The following CNMD variants were observed in gnomAD, a reference collection of about 807,000 sequenced individuals.
The protein encoded by CNMD is leukocyte cell-derived chemotaxin 1.
A neutral mutation model predicts 37.5 loss-of-function variants in CNMD; 30 were observed. The observed-to-expected ratio is 0.80, with a 90% CI of 0.60 to 1.09. The LOEUF is 1.09. Ranked by LOEUF, CNMD falls within the 50% of genes least tolerant of loss-of-function variation. The pLI is 0.00. For missense variants in CNMD, 398 were observed against 423.9 expected (o/e 0.94, Z 0.54); for synonymous variants, 167 against 148.2 (o/e 1.13, Z -0.92).
In CNMD at chr13:52,708,634, C is replaced by T. The variant is rs764639415; in HGVS notation, c.691G>A (p.Gly231Arg). 1 of 1,613,838 alleles carries T rather than the reference C, an allele frequency of 6.2e-7. No individual in the cohort carries two copies. The highest frequency in any genetic ancestry group is 2.2e-5 in the East Asian group (1 of 44,870). ...VPTTTKRPHS[G>R]PRSNPGAGRL... ...CCAGCGCCTGGGTTGCTCCGTGGTC[C>T]ACTGTGTGGTCTTTTTGTGGTAGTT... The change falls in exon 6 of 7, where the codon GGA (glycine) becomes AGA (arginine). Residue 231 changes from glycine to arginine, a missense_variant. Physicochemically the swap from Gly to Arg is moderately radical, Grantham distance 125. Transcript: ENST00000377962.
At chr13:52,729,819 C>CT (rs551357704) in intron 3 of CNMD, among the ~76,000 whole-genome samples, 4 of 151,756 alleles carry the variant, frequency 2.6e-5, no homozygotes, top group Non-Finnish European at 4.4e-5. Flanking sequence ...CTTTCAATTT[C>CT]TTTTTTTTAA....
chr13:52,733,002 C>G, intron 3 of CNMD: 2 of 567,664 alleles, frequency 3.5e-6, no homozygotes, highest in Non-Finnish European at 6.2e-6. Flanking sequence ...TGGTATTTTA[C>G]AACTGAAGTG....
chr13:52,714,794 AT>A (rs1964342667), intron 4 of CNMD, among the ~76,000 whole-genome samples: 1 of 152,100 alleles, frequency 6.6e-6, no homozygotes, highest in Admixed American at 6.6e-5. Flanking sequence ...CACGGAGAAA[AT>A]TCACCAAAAC....
chr13:52,723,393 C>G (rs764246118), intron 4 of CNMD, among the ~76,000 whole-genome samples: 2 of 152,140 alleles, frequency 1.3e-5, no homozygotes, highest in Non-Finnish European at 2.9e-5. Context: ...ATGCCTGCCT[C>G]TATTGTGGAG....
chr13:52,709,082 G>C (rs116544982), intron 5 of CNMD, among the ~76,000 whole-genome samples: 367 of 152,222 alleles, frequency 2.4e-3, no homozygotes, highest in African/African-American at 8.5e-3. Context: ...TCTGACCAGG[G>C]AGACATCAGC....
At chr13:52,728,508 C>G (rs543076079) in intron 3 of CNMD, among the ~76,000 whole-genome samples, 35 of 152,358 alleles carry the variant, frequency 2.3e-4, no homozygotes, top group Non-Finnish European at 4.1e-4. Context: ...TGATGCTCCA[C>G]TGGCAGCCTG....
chr13:52,728,950 A>C (rs1318328198), intron 3 of CNMD, among the ~76,000 whole-genome samples: 2 of 152,222 alleles, frequency 1.3e-5, no homozygotes, highest in African/African-American at 4.8e-5. Flanking sequence ...GAACTAAAAG[A>C]AGCACAAGAA....
Position 52,703,636 on chromosome 13 carries a change from G to A in CNMD, c.964C>T (p.Pro322Ser), listed in dbSNP as rs1035986975. ...ATACGGGCCACCCACCAGCTACATG[G>A]CATGATGACTCTGCAGGCCGAACGG... ...GCRSACRVIM[P>S]CSWWVARILG... Residue 322 changes from proline (P) to serine (S), a missense_variant, in exon 7 of 7, where the codon CCA (proline) becomes TCA (serine). Pro to Ser is a moderately conservative substitution (Grantham distance 74). Transcript: ENST00000377962. 1 of 1,613,790 alleles carries A rather than the reference G, an allele frequency of 6.2e-7. No homozygotes were observed. Among genetic ancestry groups the A allele is most frequent in the Non-Finnish European group, 8.5e-7 (1 of 1,179,780 alleles).
chr13:52,718,268 T>C, intron 4 of CNMD, among the ~76,000 whole-genome samples: 1 of 152,212 alleles, frequency 6.6e-6, no homozygotes, highest in East Asian at 1.9e-4. Flanking sequence ...GTCTATCTAT[T>C]TGTTAATCTC....
intron 4 of CNMD, among the ~76,000 whole-genome samples, chr13:52,713,588 C>A (rs930102918): frequency 1.5e-4 from 23 of 152,164 alleles, no homozygotes; most frequent in African/African-American, 5.6e-4. Context: ...TAGCTAAAAG[C>A]AGTACTTCAT....
At chr13:52,733,396 T>G (rs1240059190) in intron 2 of CNMD, 37 bp from the exon 3 acceptor site, 8 of 1,607,846 alleles carry the variant, frequency 5.0e-6, no homozygotes, top group Non-Finnish European at 6.8e-6. Context: ...TGCTTTCTTT[T>G]TTGAGCAATT....
chr13:52,739,006 C>T lies in CNMD; in HGVS notation c.213+25G>A, dbSNP rs769754322. 6.5e-7 allele frequency: 1 copy of T among 1,545,152 alleles called. No homozygotes were observed. The highest frequency in any genetic ancestry group is 2.0e-5 in the Admixed American group (1 of 48,816). On this transcript the variant is annotated intron_variant, in intron 2 of 6. Coordinates refer to ENST00000377962, the MANE Select transcript of CNMD (RefSeq NM_007015.3). The surrounding 1 kb of genome is among the most constrained non-coding windows in gnomAD (Gnocchi z 5.4). ...GGGCACCATGGGCGACACGGGGGTCCCCGCGCGCCGCCCTCTGGACTTACG... is the reference window on the plus strand; with the variant it reads ...GGGCACCATGGGCGACACGGGGGTCTCCGCGCGCCGCCCTCTGGACTTACG...
intron 3 of CNMD, among the ~76,000 whole-genome samples, chr13:52,730,264 A>C (rs1964642813): frequency 1.3e-5 from 2 of 152,042 alleles, no homozygotes; most frequent in African/African-American, 2.4e-5. Flanking sequence ...GCTATCGTGA[A>C]TAGTGCTGCC....
chr13:52,724,176 A>G (rs1463699872), intron 3 of CNMD, 66 bp from the exon 4 acceptor site: 13 of 1,211,852 alleles, frequency 1.1e-5, no homozygotes, highest in African/African-American at 3.0e-5. Context: ...TTGAGTGTCT[A>G]CTGTGTTCCA....
intron 5 of CNMD, among the ~76,000 whole-genome samples, chr13:52,709,940 T>C (rs1336696487): frequency 1.3e-5 from 2 of 152,136 alleles, no homozygotes; most frequent in Admixed American, 6.5e-5. Context: ...ATCATTGCAC[T>C]CAAGCCTGGG....
chr13:52,724,178 T>C, intron 3 of CNMD, 68 bp from the exon 4 acceptor site: 3 of 1,194,912 alleles, frequency 2.5e-6, no homozygotes, highest in Middle Eastern at 1.9e-4. Flanking sequence ...GAGTGTCTAC[T>C]GTGTTCCAGA....
chr13:52,735,812 G>C (rs1187716014), intron 2 of CNMD, among the ~76,000 whole-genome samples: 1 of 150,290 alleles, frequency 6.7e-6, no homozygotes. Flanking sequence ...TCTTGGTTGT[G>C]CAGCTGCGGC....
chr13:52,735,631 A>C (rs1045425118), intron 2 of CNMD, among the ~76,000 whole-genome samples: 2 of 151,874 alleles, frequency 1.3e-5, no homozygotes, highest in African/African-American at 4.8e-5. Flanking sequence ...CTTGGACCAC[A>C]CATAAAATAC....
intron 4 of CNMD, among the ~76,000 whole-genome samples, chr13:52,723,132 C>T (rs1379636235): frequency 6.6e-6 from 1 of 152,010 alleles, no homozygotes; most frequent in Non-Finnish European, 1.5e-5. Flanking sequence ...CATTCTGTTG[C>T]CCAGCCTGGA....
Sources: allele counts gnomAD v4.1 joint callset (sites outside exome capture counted in the v4.1 genomes callset), GRCh38; gene constraint gnomAD v4.1.1; non-coding constraint Gnocchi (gnomAD v3.1); transcripts MANE v1.5; gene names NCBI Gene and HGNC (gene_info 2026-07-23, HGNC 2026-07-21).